Variants in SDK1 observed in about 807,000 individuals in gnomAD.
The protein encoded by SDK1 is sidekick cell adhesion molecule 1, also known as protein sidekick-1.
A neutral mutation model predicts 245.5 loss-of-function variants in SDK1; 157 were observed. The ratio of observed to expected loss-of-function variants is 0.64; its 90% CI spans 0.56 to 0.73. The LOEUF (loss-of-function observed/expected upper bound fraction) is 0.73. Ranked by LOEUF, SDK1 falls within the 30% of genes least tolerant of loss-of-function variation. SDK1 has a pLI of 0.00. For missense variants in SDK1, 3,583 were observed against 3,002.3 expected, an observed-to-expected ratio of 1.19 and a Z score of -4.52; for synonymous variants, 1,647 against 1,278.5, an observed-to-expected ratio of 1.29 and a Z score of -6.15.
chr7:3,532,331 A>G (rs562060165), intron 1 of SDK1, among the ~76,000 whole-genome samples: 2 of 152,052 alleles, frequency 1.3e-5, no homozygotes, highest in African/African-American at 4.8e-5. Context: ...GTATTCTTTA[A>G]TGTTGGTCTT....
intron 28 of SDK1, among the ~76,000 whole-genome samples, chr7:4,141,143 G>A (rs1779559745): frequency 6.6e-6 from 1 of 152,216 alleles, no homozygotes; most frequent in Non-Finnish European, 1.5e-5. Flanking sequence ...CAAGTGAGGT[G>A]AGGCCCACGT....
At chr7:3,760,788 T>G (rs1370740496) in intron 4 of SDK1, among the ~76,000 whole-genome samples, 1 of 152,224 alleles carries the variant, frequency 6.6e-6, no homozygotes, top group African/African-American at 2.4e-5. Flanking sequence ...GGCAATATCA[T>G]TAGGATCATA....
chr7:3,817,617 GGGAA>G (rs1214510997), intron 4 of SDK1, among the ~76,000 whole-genome samples: 1 of 152,068 alleles, frequency 6.6e-6, no homozygotes, highest in Non-Finnish European at 1.5e-5. Context: ...GTGTGGTCTG[GGGAA>G]GGCCACAACC....
intron 1 of SDK1, among the ~76,000 whole-genome samples, chr7:3,330,334 T>A (rs1167576568): frequency 1.3e-5 from 2 of 152,202 alleles, no homozygotes; most frequent in East Asian, 1.9e-4. Context: ...CTAACACTTA[T>A]TTTCCTTTTT....
At chr7:3,692,963 T>C (rs1251680830) in intron 4 of SDK1, among the ~76,000 whole-genome samples, 3 of 152,020 alleles carry the variant, frequency 2.0e-5, no homozygotes, top group African/African-American at 7.2e-5. Context: ...CATCCAGTAG[T>C]ATTTCACGTG....
chr7:3,406,938 T>G lies in SDK1; in HGVS notation c.298+105054T>G, dbSNP rs1368422196. 2.0e-5 allele frequency among the ~76,000 whole-genome samples: 3 copies of G among 151,320 alleles called. No individual in the cohort carries two copies. In the East Asian group the frequency reaches 5.8e-4, roughly 29 times the overall value. On this transcript the variant is annotated intron_variant, in intron 1 of 44. Transcript: ENST00000404826. ...TTACTCAAACAAGCAGAAAATATCC[T>G]TTTTTAGTTTTAAACTCTTTGTAGA...
chr7:3,799,764 C>A (rs1779061224), intron 4 of SDK1, among the ~76,000 whole-genome samples: 2 of 150,680 alleles, frequency 1.3e-5, no homozygotes, highest in African/African-American at 4.9e-5. Flanking sequence ...GGGCTCGTGA[C>A]TTCTCTCTAC....
chr7:3,420,374 C>A (rs992570535), intron 1 of SDK1, among the ~76,000 whole-genome samples: 1 of 152,174 alleles, frequency 6.6e-6, no homozygotes, highest in African/African-American at 2.4e-5. Context: ...ATCGTTTCAA[C>A]AACTTTCTGT....
chr7:3,529,517 T>C (rs1783270227), intron 1 of SDK1, among the ~76,000 whole-genome samples: 1 of 152,156 alleles, frequency 6.6e-6, no homozygotes, highest in Non-Finnish European at 1.5e-5. Flanking sequence ...TGGCGATGGA[T>C]ATACATTAAA....
At chr7:3,641,790 G>A (rs1782656296) in intron 3 of SDK1, among the ~76,000 whole-genome samples, 168 bp from the exon 4 acceptor site, 1 of 152,234 alleles carries the variant, frequency 6.6e-6, no homozygotes, top group South Asian at 2.1e-4. Context: ...TGCTTCACTC[G>A]CAAGCAGATC....
At chr7:3,564,683 T>C (rs1458181740) in intron 1 of SDK1, among the ~76,000 whole-genome samples, 2 of 152,094 alleles carry the variant, frequency 1.3e-5, no homozygotes, top group Non-Finnish European at 2.9e-5. Context: ...AGAACATGAT[T>C]TCACCAATAC....
intron 1 of SDK1, among the ~76,000 whole-genome samples, chr7:3,385,405 C>A (rs939866953): frequency 1.3e-5 from 2 of 152,108 alleles, no homozygotes; most frequent in Admixed American, 6.5e-5. Context: ...GGTGAAGATA[C>A]TAATTTTCAT....
chr7:3,703,857 A>C (rs1190883527), intron 4 of SDK1, among the ~76,000 whole-genome samples: 1 of 152,172 alleles, frequency 6.6e-6, no homozygotes, highest in Non-Finnish European at 1.5e-5. Flanking sequence ...GTTTGTTGGC[A>C]TCAACCAATA....
At chr7:3,872,896 T>C (rs1780991607) in intron 5 of SDK1, among the ~76,000 whole-genome samples, 1 of 152,154 alleles carries the variant, frequency 6.6e-6, no homozygotes, top group African/African-American at 2.4e-5. Context: ...CCTTCTACTA[T>C]TATTGTCATA....
At position 3,452,776 on chromosome 7, in the gene SDK1, T is replaced by C. The variant is rs116000831; in HGVS notation, c.298+150892T>C. Among the ~76,000 whole-genome samples, 976 of 152,326 alleles carry C rather than the reference T, an allele frequency of 6.4e-3. 13 individuals carry two copies. The highest frequency in any genetic ancestry group is 0.022 in the African/African-American group (926 of 41,588). Reference sequence around the variant, plus strand: ...ACCACCCTGTTAGAAATCCCCGCTGTTGACTGTTTCCAGAAGTCTTGCAGG... The same window carrying C: ...ACCACCCTGTTAGAAATCCCCGCTGCTGACTGTTTCCAGAAGTCTTGCAGG... On this transcript the variant is annotated intron_variant, in intron 1 of 44. Coordinates refer to ENST00000404826, the MANE Select transcript of SDK1 (RefSeq NM_152744.4).
chr7:3,683,958 G>T (rs1016159481), intron 4 of SDK1, among the ~76,000 whole-genome samples: 1 of 152,168 alleles, frequency 6.6e-6, no homozygotes, highest in Non-Finnish European at 1.5e-5. Context: ...AATGAGAAAA[G>T]CACCCCCTTC....
At chr7:3,837,782 CTT>C (rs1246474270) in intron 5 of SDK1, among the ~76,000 whole-genome samples, 1 of 152,002 alleles carries the variant, frequency 6.6e-6, no homozygotes, top group African/African-American at 2.4e-5. Context: ...TTAATTTAAA[CTT>C]TTTTATTTTG....
intron 35 of SDK1, among the ~76,000 whole-genome samples, chr7:4,192,591 A>G (rs1409730906): frequency 6.6e-6 from 1 of 152,160 alleles, no homozygotes; most frequent in Non-Finnish European, 1.5e-5. Context: ...GTATATTCTA[A>G]TTGAAGTATG....
chr7:4,047,593 G>A (rs1349903739), intron 17 of SDK1, among the ~76,000 whole-genome samples: 1 of 152,230 alleles, frequency 6.6e-6, no homozygotes, highest in Non-Finnish European at 1.5e-5. Context: ...CTGTGTGTCT[G>A]CGCTCCCAAA....
Sources: allele counts gnomAD v4.1 joint callset (sites outside exome capture counted in the v4.1 genomes callset), GRCh38; gene constraint gnomAD v4.1.1; transcripts MANE v1.5; gene names NCBI Gene and HGNC (gene_info 2026-07-23, HGNC 2026-07-21).